Variants in CDC14A observed in about 807,000 individuals in gnomAD.
The protein encoded by CDC14A is cell division cycle 14A.
In CDC14A, 53 loss-of-function variants were observed where a neutral mutation model predicts 74.4. That is an observed-to-expected ratio of 0.71 (90% CI 0.57 to 0.89). The LOEUF (loss-of-function observed/expected upper bound fraction) is 0.89, where lower values mean the gene tolerates loss of function less well. CDC14A is among the 40% of genes least tolerant of loss of function. The pLI is 0.00. For synonymous variants in CDC14A, 247 were observed against 258.4 expected, an observed-to-expected ratio of 0.96 and a Z score of 0.43; for missense variants, 646 against 713.7, an observed-to-expected ratio of 0.91 and a Z score of 1.08.
intron 5 of CDC14A, among the ~76,000 whole-genome samples, chr1:100,433,679 G>T (rs893113660): frequency 6.6e-6 from 1 of 151,996 alleles, no homozygotes; most frequent in Non-Finnish European, 1.5e-5. Context: ...TTCATAATAA[G>T]AAATGCTTTC....
intron 7 of CDC14A, among the ~76,000 whole-genome samples, chr1:100,453,008 C>T (rs773935438): frequency 6.6e-6 from 1 of 151,986 alleles, no homozygotes; most frequent in African/African-American, 2.4e-5. Context: ...CCAAAGTAAG[C>T]GTATATTATA....
At chr1:100,363,859 C>T (rs983387977) in intron 2 of CDC14A, among the ~76,000 whole-genome samples, 1 of 152,158 alleles carries the variant, frequency 6.6e-6, no homozygotes, top group African/African-American at 2.4e-5. Context: ...TTTCTGCCTT[C>T]TTAAAGAATT....
chr1:100,407,214 G>GT (rs199803630), intron 4 of CDC14A, among the ~76,000 whole-genome samples: 9,933 of 151,286 alleles, frequency 0.066, 665 homozygotes, highest in African/African-American at 0.17. Flanking sequence ...TTTTAAAATA[G>GT]TTTTTTTTTC....
chr1:100,406,931 A>AC (rs1660026531), intron 4 of CDC14A, among the ~76,000 whole-genome samples: 1 of 133,234 alleles, frequency 7.5e-6, no homozygotes, highest in African/African-American at 3.0e-5. Flanking sequence ...TGTCTCAAAT[A>AC]AAAAAAAAAA....
At chr1:100,430,375 G>T (rs1049713367) in intron 5 of CDC14A, among the ~76,000 whole-genome samples, 1 of 152,178 alleles carries the variant, frequency 6.6e-6, no homozygotes, top group Non-Finnish European at 1.5e-5. Context: ...CATTAAAATG[G>T]ATGCATAATG....
chr1:100,408,541 A>G (rs1660246513), intron 4 of CDC14A, among the ~76,000 whole-genome samples: 1 of 152,260 alleles, frequency 6.6e-6, no homozygotes, highest in Non-Finnish European at 1.5e-5. Flanking sequence ...CTAACAGTGT[A>G]TAAGTGTTCC....
intron 2 of CDC14A, among the ~76,000 whole-genome samples, chr1:100,364,768 C>G (rs1195242494): frequency 1.3e-5 from 2 of 152,158 alleles, no homozygotes; most frequent in African/African-American, 4.8e-5. Flanking sequence ...CTGAAGAAGT[C>G]TCCTTTTGTT....
chr1:100,351,587 C>T (rs987168972), upstream of CDC14A: 12 of 627,212 alleles, frequency 1.9e-5, no homozygotes, highest in Admixed American at 8.8e-5. Context: ...TGTTAACCTT[C>T]CTCCTTGGAC....
chr1:100,394,041 G>C, intron 4 of CDC14A: 1 of 251,752 alleles, frequency 4.0e-6, no homozygotes, highest in Non-Finnish European at 7.7e-6. Context: ...GGGACCTCAG[G>C]TTTGCCCTAC....
chr1:100,349,775 G>A (rs926409122), upstream of CDC14A, among the ~76,000 whole-genome samples: 17 of 151,774 alleles, frequency 1.1e-4, no homozygotes, highest in East Asian at 1.9e-4. Context: ...CCATTCTCCC[G>A]CCTCGGCCTC....
chr1:100,439,960 A>G lies in CDC14A; in HGVS notation c.418A>G (p.Asn140Asp), dbSNP rs777289791. The G allele has an allele frequency of 1.2e-6, 2 of 1,613,548 alleles. No individual in the cohort carries two copies. Among genetic ancestry groups the G allele is most frequent in the African/African-American group, 1.3e-5 (1 of 75,046 alleles). Residue 140 changes from asparagine (N) to aspartate (D), a missense_variant, in exon 6 of 16, where the codon AAT becomes GAT. By Grantham distance (23) the Asn-to-Asp change is conservative. Coordinates refer to ENST00000336454, the MANE Select transcript of CDC14A (RefSeq NM_003672.4). ...RDASFGNCTY[N>D]LTILDCLQGI... Reference sequence around the variant, plus strand: ...TGCTTCCTTTGGAAATTGCACTTACAATCTCACCATTCTCGACTGTTTGCA... The same window carrying G: ...TGCTTCCTTTGGAAATTGCACTTACGATCTCACCATTCTCGACTGTTTGCA...
At chr1:100,444,862 A>G (rs1665361953) in intron 7 of CDC14A, among the ~76,000 whole-genome samples, 1 of 152,214 alleles carries the variant, frequency 6.6e-6, no homozygotes, top group Non-Finnish European at 1.5e-5. Context: ...TCTTGGATAG[A>G]AAGACTTAAC....
At chr1:100,485,406 T>C (rs1216402395) in intron 11 of CDC14A, 1 of 697,520 alleles carries the variant, frequency 1.4e-6, no homozygotes, top group Non-Finnish European at 1.8e-6. Flanking sequence ...CTGTTCAAAA[T>C]AGTGGAACAA....
chr1:100,475,622 A>G (rs1056241596), intron 10 of CDC14A, among the ~76,000 whole-genome samples: 1 of 152,188 alleles, frequency 6.6e-6, no homozygotes, highest in Non-Finnish European at 1.5e-5. Flanking sequence ...TTCTGTACTC[A>G]GCCTCTGTTG....
At position 100,439,933 on chromosome 1, in the gene CDC14A, G is replaced by A. The variant is rs1159366150; in HGVS notation, c.391G>A (p.Asp131Asn). 1 of 1,608,372 alleles carries A rather than the reference G, an allele frequency of 6.2e-7. No individual in the cohort carries two copies. Among genetic ancestry groups the A allele is most frequent in the Non-Finnish European group, 8.5e-7 (1 of 1,174,918 alleles). Residue 131 changes from aspartate to asparagine, a missense_variant and splice_region_variant, in exon 6 of 16, where the codon GAT becomes AAT. Coordinates refer to ENST00000336454, the MANE Select transcript of CDC14A (RefSeq NM_003672.4). ...TGTTGAGTTTATTTATGTTTATAGG[G>A]ATGCTTCCTTTGGAAATTGCACTTA... ...GSNPPYLPFR[D>N]ASFGNCTYNL...
At chr1:100,498,398 GGTGCAAAGC>G (rs1364142561) in intron 14 of CDC14A, among the ~76,000 whole-genome samples, 191 bp downstream of exon 14, 4 of 152,294 alleles carry the variant, frequency 2.6e-5, no homozygotes, top group South Asian at 4.1e-4. Flanking sequence ...TGGAGGGAAT[GGTGCAAAGC>G]GTGCTCTTCT....
At chr1:100,515,709 A>C (rs1444288549) in intron 15 of CDC14A, among the ~76,000 whole-genome samples, 1 of 152,132 alleles carries the variant, frequency 6.6e-6, no homozygotes, top group Non-Finnish European at 1.5e-5. Context: ...TAAGATTTTT[A>C]TTTTAGATTG....
intron 11 of CDC14A, among the ~76,000 whole-genome samples, chr1:100,490,109 T>A (rs1268767012): frequency 6.6e-6 from 1 of 152,200 alleles, no homozygotes; most frequent in Non-Finnish European, 1.5e-5. Context: ...TGCCACACAA[T>A]ATCTGCATTT....
chr1:100,484,275 T>C lies in CDC14A; in HGVS notation c.978-17T>C, dbSNP rs1265086521. 2.7e-6 allele frequency: 4 copies of C among 1,475,320 alleles called. No homozygotes were observed. The highest frequency in any genetic ancestry group is 5.0e-5 in the Admixed American group (2 of 40,248). 91.4% of individuals were successfully genotyped at this position (1,475,320 alleles called of 1,614,324 possible). On this transcript the variant is annotated splice_polypyrimidine_tract_variant and intron_variant, in intron 10 of 15. Coordinates refer to ENST00000336454, the MANE Select transcript of CDC14A (RefSeq NM_003672.4). Reference sequence around the variant, plus strand: ...AACTTTTTCTTGTCGTTTTGTTTTGTTTTGTTTTTTATACAGAAAACAAGC... The same window carrying C: ...AACTTTTTCTTGTCGTTTTGTTTTGCTTTGTTTTTTATACAGAAAACAAGC...
Sources: allele counts gnomAD v4.1 joint callset (sites outside exome capture counted in the v4.1 genomes callset), GRCh38; gene constraint gnomAD v4.1.1; transcripts MANE v1.5; gene names NCBI Gene and HGNC (gene_info 2026-07-23, HGNC 2026-07-21).